Variants in SGIP1 observed in about 807,000 individuals in gnomAD.
SGIP1 encodes SH3GL interacting endocytic adaptor 1.
A neutral mutation model predicts 107.5 loss-of-function variants in SGIP1; 38 were observed. That is an observed-to-expected ratio of 0.35 (90% CI 0.27 to 0.46). SGIP1 has a LOEUF of 0.46. SGIP1 is among the 20% of genes least tolerant of loss of function. The pLI is 1.00. For synonymous variants in SGIP1, 365 were observed against 366.1 expected, an observed-to-expected ratio of 1.00 and a Z score of 0.03; for missense variants, 929 against 1,019.5, an observed-to-expected ratio of 0.91 and a Z score of 1.21.
At chr1:66,692,255 C>A (rs993176792) in intron 17 of SGIP1, among the ~76,000 whole-genome samples, 5 of 151,726 alleles carry the variant, frequency 3.3e-5, no homozygotes, top group Non-Finnish European at 7.4e-5. Flanking sequence ...CAAATCCTGG[C>A]CAGAAACTTT....
Position 66,739,535 on chromosome 1 carries a change from C to T in SGIP1, c.2232C>T (p.Val744=). Residue 744 remains valine, a splice_region_variant and synonymous_variant, in exon 22 of 25, where the codon GTC becomes GTT. Transcript: ENST00000371037. Reference sequence around the variant, plus strand: ...TCCAGGCAGTGCTCCCACCAGCAGTCTGGTATGAAGCCTCCTATTCTCTCC... The same window carrying T: ...TCCAGGCAGTGCTCCCACCAGCAGTTTGGTATGAAGCCTCCTATTCTCTCC... ...TKLQAVLPPA[V]WNAEQQRILW... 1 of 1,613,596 alleles carries T rather than the reference C, an allele frequency of 6.2e-7. No individual in the cohort carries two copies. The highest frequency in any genetic ancestry group is 8.5e-7 in the Non-Finnish European group (1 of 1,180,020).
intron 21 of SGIP1, among the ~76,000 whole-genome samples, chr1:66,737,892 G>A (rs913771292): frequency 1.3e-5 from 2 of 152,030 alleles, no homozygotes; most frequent in Admixed American, 1.3e-4. Context: ...CCCTTAAATT[G>A]CAGCATGTTT....
At chr1:66,701,796 T>G (rs1055259092) in intron 18 of SGIP1, among the ~76,000 whole-genome samples, 3 of 152,200 alleles carry the variant, frequency 2.0e-5, no homozygotes, top group African/African-American at 7.2e-5. Context: ...ATGCTGATGT[T>G]AGAACAGAAA....
intron 4 of SGIP1, among the ~76,000 whole-genome samples, chr1:66,636,511 T>C (rs1348820081): frequency 6.6e-6 from 1 of 152,236 alleles, no homozygotes; most frequent in Admixed American, 6.5e-5. Context: ...TTGTACATTA[T>C]GGTAGCCACA....
chr1:66,651,245 C>A (rs201937119), intron 7 of SGIP1, among the ~76,000 whole-genome samples: 1 of 152,186 alleles, frequency 6.6e-6, no homozygotes, highest in East Asian at 1.9e-4. Context: ...CAGCTGTGAA[C>A]ACGAGTGCTG....
intron 21 of SGIP1, 92 bp from the exon 22 acceptor site, chr1:66,739,243 T>C: frequency 2.8e-6 from 4 of 1,408,338 alleles, no homozygotes; most frequent in Non-Finnish European, 3.9e-6. Context: ...CACGGTTGCT[T>C]GTGAGCAGCA....
chr1:66,739,303 T>C (rs754647885), intron 21 of SGIP1, 32 bp from the exon 22 acceptor site: 21 of 1,601,184 alleles, frequency 1.3e-5, no homozygotes, highest in Non-Finnish European at 1.8e-5. Context: ...CCCTGTCATA[T>C]GTTGTTATTT....
In SGIP1 at chr1:66,684,110, G is replaced by A. The variant is rs2087594938; in HGVS notation, c.1315+1741G>A. 4 of 1,550,384 alleles carry A rather than the reference G, an allele frequency of 2.6e-6. No individual in the cohort carries two copies. The East Asian group carries it at 9.8e-5, about 38-fold the overall frequency. ...TGTTATCTTTCCCTTTTTACAGATG[G>A]GAAAACTGAGGCTCAGAGATATCAA... On this transcript the variant is annotated intron_variant, in intron 15 of 24. Transcript: ENST00000371037.
In SGIP1 at chr1:66,745,264, T is replaced by G. The variant is rs1163834666; in HGVS notation, c.*2169T>G. On this transcript the variant is annotated 3_prime_UTR_variant, in exon 25 of 25. Transcript: ENST00000371037. ...AACATTATTCAAATCTTTCTAGGGA[T>G]TAAATTAGAAACTATGAAGAAATCC... The G allele has an allele frequency of 6.6e-6, 1 of 151,952 alleles. No individual in the cohort carries two copies. The highest frequency in any genetic ancestry group is 6.6e-5 in the Admixed American group (1 of 15,254). 9.4% of individuals were successfully genotyped at this position (151,952 alleles called of 1,614,324 possible).
chr1:66,714,828 T>C (rs553778491), intron 18 of SGIP1, among the ~76,000 whole-genome samples: 1 of 152,202 alleles, frequency 6.6e-6, no homozygotes, highest in South Asian at 2.1e-4. Flanking sequence ...TTATTTCAGT[T>C]ATTAGAAAAA....
At chr1:66,656,682 T>C (rs1424024159) in intron 7 of SGIP1, among the ~76,000 whole-genome samples, 1 of 152,216 alleles carries the variant, frequency 6.6e-6, no homozygotes, top group Non-Finnish European at 1.5e-5. Context: ...TGTAAACCCA[T>C]TGGAGCTTTT....
chr1:66,670,108 T>C (rs2083432069), intron 9 of SGIP1, among the ~76,000 whole-genome samples: 1 of 152,208 alleles, frequency 6.6e-6, no homozygotes, highest in Non-Finnish European at 1.5e-5. Flanking sequence ...TCTGCCCCTG[T>C]CATTCTCCTA....
chr1:66,701,557 G>GT (rs1210053296), intron 18 of SGIP1, among the ~76,000 whole-genome samples: 4 of 152,014 alleles, frequency 2.6e-5, no homozygotes, highest in Admixed American at 1.3e-4. Flanking sequence ...GTCACAGAGA[G>GT]TTTTTTTTAA....
intron 12 of SGIP1, among the ~76,000 whole-genome samples, chr1:66,675,197 T>A (rs1281121830): frequency 6.6e-6 from 1 of 152,176 alleles, no homozygotes; most frequent in African/African-American, 2.4e-5. Flanking sequence ...AACATAGAAA[T>A]CATTCTTAAA....
chr1:66,566,186 TA>T (rs1463953906), intron 1 of SGIP1, among the ~76,000 whole-genome samples: 3 of 151,966 alleles, frequency 2.0e-5, no homozygotes, highest in Non-Finnish European at 2.9e-5. Context: ...GTGGTTTCCC[TA>T]GCGGTAAACA....
rs953337275 is a variant in SGIP1 at position 66,747,981 on chromosome 1, G to C, written c.*4886G>C. 1 of 151,920 alleles carries C rather than the reference G, an allele frequency of 6.6e-6. No individual in the cohort carries two copies. Among genetic ancestry groups the C allele is most frequent in the Admixed American group, 6.6e-5 (1 of 15,252 alleles). 9.4% of individuals were successfully genotyped at this position (151,920 alleles called of 1,614,324 possible). A position where few individuals can be genotyped will look rare whatever the true frequency, so the allele number is the denominator to read the frequency against. On this transcript the variant is annotated 3_prime_UTR_variant, in exon 25 of 25. Coordinates refer to ENST00000371037, the MANE Select transcript of SGIP1 (RefSeq NM_032291.4). ...GCTTTGAAAGTTAATATAATATGAT[G>C]TGTCCATGCAATGAGTCAAATTAGA...
At position 66,682,295 on chromosome 1, in the gene SGIP1, C is replaced by T. The variant is rs369259312; in HGVS notation, c.1241C>T (p.Pro414Leu). ...GLGQRATPPP[P>L]PPPTYRTVVS... ...GGACAAAGAGCAACTCCACCTCCCC[C>T]ACCACCACCCACCTACAGGACTGTG... Residue 414 changes from proline (P) to leucine (L), a missense_variant, in exon 15 of 25, where the codon CCA becomes CTA. Pro to Leu is a moderately conservative substitution (Grantham distance 98, BLOSUM62 -3). Transcript: ENST00000371037. 13 of 1,614,220 alleles carry T rather than the reference C, an allele frequency of 8.1e-6. No individual in the cohort carries two copies. The highest frequency in any genetic ancestry group is 1.0e-5 in the Non-Finnish European group (12 of 1,180,024).
intron 1 of SGIP1, among the ~76,000 whole-genome samples, chr1:66,570,126 C>G (rs1225143451): frequency 6.6e-6 from 1 of 151,550 alleles, no homozygotes; most frequent in Non-Finnish European, 1.5e-5. Flanking sequence ...TCTTAGCTAG[C>G]CTGGCTAGAG....
At chr1:66,581,798 T>C (rs2061861594) in intron 1 of SGIP1, among the ~76,000 whole-genome samples, 1 of 152,110 alleles carries the variant, frequency 6.6e-6, no homozygotes, top group Non-Finnish European at 1.5e-5. Context: ...TCTTGATTTA[T>C]TTAACAATTC....
Sources: gnomAD v4.1 joint callset for allele counts (sites outside exome capture counted in the v4.1 genomes callset) on GRCh38, gnomAD v4.1.1 for gene constraint, MANE v1.5 for transcripts, NCBI Gene and HGNC (gene_info 2026-07-23, HGNC 2026-07-21) for gene names.